TTC23L: variants seen among roughly 807,000 people sequenced by gnomAD.
The protein encoded by TTC23L is tetratricopeptide repeat domain 23 like.
A neutral mutation model predicts 48.1 loss-of-function variants in TTC23L; 42 were observed. That is an observed-to-expected ratio of 0.87 (90% CI 0.68 to 1.13). TTC23L has a LOEUF of 1.13. Among genes scored for constraint, TTC23L ranks in the 50% most tolerant of loss-of-function variants. TTC23L has a pLI of 0.00. For missense variants in TTC23L, 391 were observed against 421.0 expected, an observed-to-expected ratio of 0.93 and a Z score of 0.62; for synonymous variants, 159 against 157.2, an observed-to-expected ratio of 1.01 and a Z score of -0.09.
At chr5:34,925,458 A>G in the TTC23L span, 1 of 1,613,864 alleles carries the variant, frequency 6.2e-7, no homozygotes, top group Admixed American at 1.7e-5. Context: ...AGGCAAAGAA[A>G]AATGAAACAG....
intron 8 of TTC23L, among the ~76,000 whole-genome samples, chr5:34,879,961 A>C (rs570719249): frequency 1.3e-5 from 2 of 152,164 alleles, no homozygotes; most frequent in Non-Finnish European, 2.9e-5. Context: ...GCACCGCTGC[A>C]CCCCAGCCTG....
intron 9 of TTC23L, among the ~76,000 whole-genome samples, chr5:34,883,835 G>T (rs1260444910): frequency 2.0e-5 from 3 of 152,158 alleles, no homozygotes; most frequent in Non-Finnish European, 2.9e-5. Context: ...ATTTAAAGAA[G>T]AATTAATATT....
intron 9 of TTC23L, among the ~76,000 whole-genome samples, chr5:34,889,033 GTA>G (rs1762698772): frequency 6.6e-6 from 1 of 152,032 alleles, no homozygotes; most frequent in African/African-American, 2.4e-5. Context: ...AGAGAGTTTT[GTA>G]TAGACTTGTC....
the TTC23L span, chr5:34,915,242 T>A: frequency 3.2e-6 from 1 of 314,334 alleles, no homozygotes; most frequent in African/African-American, 2.2e-5. Context: ...CCGCGGGGAG[T>A]CGGTTTTGTG....
intron 10 of TTC23L, among the ~76,000 whole-genome samples, chr5:34,898,086 G>T (rs1398889346): frequency 6.6e-6 from 1 of 152,166 alleles, no homozygotes; most frequent in African/African-American, 2.4e-5. Flanking sequence ...CAGTGTTGTT[G>T]TGAGAATAAA....
At chr5:34,896,416 G>A (rs1172073399) in intron 9 of TTC23L, among the ~76,000 whole-genome samples, 4 of 152,144 alleles carry the variant, frequency 2.6e-5, no homozygotes, top group African/African-American at 7.2e-5. Flanking sequence ...TAGAGAAAGA[G>A]CACTGTACTC....
At chr5:34,911,251 C>G in the TTC23L span, among the ~76,000 whole-genome samples, 1 of 152,158 alleles carries the variant, frequency 6.6e-6, no homozygotes. Context: ...ACCCAATTTT[C>G]CTCATGATGT....
At chr5:34,880,403 A>G in intron 9 of TTC23L, 95 bp downstream of exon 9, 3 of 1,311,990 alleles carry the variant, frequency 2.3e-6, no homozygotes, top group East Asian at 2.5e-5. Flanking sequence ...GAGATCAGAT[A>G]GGTCCCAGAT....
chr5:34,870,885 G>C (rs1458649500), intron 8 of TTC23L, among the ~76,000 whole-genome samples: 2 of 152,130 alleles, frequency 1.3e-5, no homozygotes, highest in African/African-American at 4.8e-5. Context: ...GAAAGCTCAT[G>C]ATTTTATCAG....
rs560012623 is a variant in TTC23L, at chr5:34,878,983, T to C, written c.950-1198T>C. 2.0e-5 allele frequency among the ~76,000 whole-genome samples: 3 copies of C among 152,290 alleles called. No homozygotes were observed. In the East Asian group the frequency reaches 5.8e-4, roughly 29 times the overall value. On this transcript the variant is annotated intron_variant, in intron 8 of 10. Transcript: ENST00000505624. ...GGATGATTGGATAAAGAAAATGTGGTACATATACACAATAGAATACTATTC... is the reference window on the plus strand; with the variant it reads ...GGATGATTGGATAAAGAAAATGTGGCACATATACACAATAGAATACTATTC...
intron 9 of TTC23L, among the ~76,000 whole-genome samples, chr5:34,892,651 C>T (rs904847174): frequency 6.6e-6 from 1 of 152,040 alleles, no homozygotes. Context: ...GGAAACTCTG[C>T]GTAGGTTGGG....
intron 3 of TTC23L, 133 bp downstream of exon 3, chr5:34,845,806 A>ATGAT: frequency 1.1e-6 from 1 of 935,040 alleles, no homozygotes; most frequent in South Asian, 1.9e-5. Flanking sequence ...AGTAGCAGAA[A>ATGAT]ACAAAGCAGA....
At chr5:34,922,294 GAA>G in the TTC23L span, 2 of 1,522,392 alleles carry the variant, frequency 1.3e-6, no homozygotes, top group Admixed American at 1.8e-5. Context: ...TGTGGTAAGA[GAA>G]TGTATTAAGA....
chr5:34,887,390 G>A (rs1235043485), intron 9 of TTC23L, among the ~76,000 whole-genome samples: 1 of 152,134 alleles, frequency 6.6e-6, no homozygotes, highest in Non-Finnish European at 1.5e-5. Flanking sequence ...AAAATGATGA[G>A]TGAAATGAGC....
intron 4 of TTC23L, among the ~76,000 whole-genome samples, chr5:34,853,956 G>T (rs957413591): frequency 1.3e-5 from 2 of 152,328 alleles, no homozygotes; most frequent in African/African-American, 2.4e-5. Flanking sequence ...GCCAGATGCT[G>T]CCCTCTCTGT....
intron 7 of TTC23L, chr5:34,867,952 A>G (rs981468051): frequency 1.3e-5 from 2 of 152,276 alleles, no homozygotes; most frequent in African/African-American, 4.8e-5. Context: ...TGGTCAGATC[A>G]GAATGAATAA....
In TTC23L at chr5:34,888,567, T is replaced by G. The variant is rs558736741; in HGVS notation, c.1078-8203T>G. On this transcript the variant is annotated intron_variant, in intron 9 of 10. Transcript: ENST00000505624. ...GTTCTGGCCCTGGCCATCAGCCATG[T>G]CATCAATGTGGATATATGCATGGCA... 6.2e-6 allele frequency: 6 copies of G among 968,342 alleles called. No homozygotes were observed. The South Asian group carries it at 1.9e-4, about 31-fold the overall frequency. The allele number at this position is 968,342 out of a possible 1,614,324, so 60.0% of individuals were successfully genotyped here.
intron 8 of TTC23L, 109 bp from the exon 9 acceptor site, chr5:34,880,072 G>A (rs372923024): frequency 1.5e-6 from 2 of 1,357,400 alleles, no homozygotes; most frequent in Non-Finnish European, 2.0e-6. Context: ...GACCTGGCTT[G>A]AGAACAAGCA....
At chr5:34,912,945 G>A in the TTC23L span, among the ~76,000 whole-genome samples, 1 of 152,216 alleles carries the variant, frequency 6.6e-6, no homozygotes, top group South Asian at 2.1e-4. Context: ...AGGTTGCAGT[G>A]AGCTGAGACT....
Sources: gnomAD v4.1 joint callset for allele counts (sites outside exome capture counted in the v4.1 genomes callset) on GRCh38, gnomAD v4.1.1 for gene constraint, MANE v1.5 for transcripts, NCBI Gene and HGNC (gene_info 2026-07-23, HGNC 2026-07-21) for gene names.